Variants in ARHGAP44 observed in about 807,000 individuals in gnomAD.
ARHGAP44 encodes the protein rho GTPase-activating protein 44.
A neutral mutation model predicts 106.8 loss-of-function variants in ARHGAP44; 43 were observed. That is an observed-to-expected ratio of 0.40 (90% CI 0.32 to 0.52). The LOEUF (loss-of-function observed/expected upper bound fraction) is 0.52. Ranked by LOEUF, ARHGAP44 falls within the 20% of genes least tolerant of loss-of-function variation. ARHGAP44 has a pLI of 0.48. For missense variants in ARHGAP44, 866 were observed against 1,050.5 expected, an observed-to-expected ratio of 0.82 and a Z score of 2.43; for synonymous variants, 439 against 410.3, an observed-to-expected ratio of 1.07 and a Z score of -0.85.
intron 6 of ARHGAP44, among the ~76,000 whole-genome samples, chr17:12,924,876 A>AC (rs1471092735): frequency 6.6e-6 from 1 of 152,148 alleles, no homozygotes; most frequent in East Asian, 1.9e-4. Flanking sequence ...TGTTTAAGCC[A>AC]CCCAGTCTGT....
intron 1 of ARHGAP44, among the ~76,000 whole-genome samples, chr17:12,814,741 A>C (rs1259785221): frequency 6.6e-5 from 10 of 152,096 alleles, no homozygotes; most frequent in African/African-American, 2.2e-4. Context: ...TTTCACGTCT[A>C]CCTGGCACAC....
intron 1 of ARHGAP44, among the ~76,000 whole-genome samples, chr17:12,848,406 C>T (rs2035633773): frequency 1.3e-5 from 2 of 152,234 alleles, no homozygotes. Context: ...CACCATGTGC[C>T]ACCTCAAGCC....
At chr17:12,959,188 A>G in intron 16 of ARHGAP44, 1 of 396,490 alleles carries the variant, frequency 2.5e-6, no homozygotes, top group Non-Finnish European at 4.7e-6. Flanking sequence ...TAAAAAAAAT[A>G]CATACGCACT....
intron 15 of ARHGAP44, 101 bp downstream of exon 15, chr17:12,956,847 T>G (rs547601290): frequency 1.1e-6 from 1 of 883,604 alleles, no homozygotes; most frequent in Admixed American, 2.3e-5. Flanking sequence ...CACAGGCTTT[T>G]TTTTTTGATT....
intron 1 of ARHGAP44, among the ~76,000 whole-genome samples, chr17:12,823,627 T>C (rs1022215769): frequency 1.3e-5 from 2 of 152,152 alleles, no homozygotes; most frequent in African/African-American, 4.8e-5. Context: ...ATCAAGTATC[T>C]CTTCTCTCTC....
chr17:12,917,640 C>A (rs1359874277), intron 5 of ARHGAP44, among the ~76,000 whole-genome samples: 1 of 152,102 alleles, frequency 6.6e-6, no homozygotes, highest in Admixed American at 6.5e-5. Context: ...CGGAAAAATA[C>A]GTCACTAGCC....
intron 14 of ARHGAP44, 131 bp downstream of exon 14, chr17:12,956,111 C>T: frequency 1.6e-6 from 1 of 639,452 alleles, no homozygotes; most frequent in South Asian, 2.1e-5. Context: ...TCTTTGTTGG[C>T]CTGCTCCTCT....
At chr17:12,884,876 A>G (rs982058185) in intron 1 of ARHGAP44, among the ~76,000 whole-genome samples, 3 of 151,896 alleles carry the variant, frequency 2.0e-5, no homozygotes, top group African/African-American at 4.8e-5. Flanking sequence ...GTCCATTCCT[A>G]TATCTTGCTA....
intron 12 of ARHGAP44, 53 bp from the exon 13 acceptor site, chr17:12,952,448 T>G: frequency 5.9e-6 from 8 of 1,356,982 alleles, no homozygotes; most frequent in Non-Finnish European, 7.2e-6. Context: ...TGATTTCCGA[T>G]GAGACTTTAT....
chr17:12,862,996 TA>T (rs140382621), intron 1 of ARHGAP44, among the ~76,000 whole-genome samples: 6 of 141,792 alleles, frequency 4.2e-5, no homozygotes, highest in African/African-American at 1.0e-4. Context: ...AAAAATAAAA[TA>T]AAAAAAAAGG....
At chr17:12,973,769 C>T (rs892469787) in intron 17 of ARHGAP44, 6 of 523,554 alleles carry the variant, frequency 1.1e-5, no homozygotes, top group African/African-American at 5.9e-5. Context: ...GGGAGCTTGC[C>T]GGGCCATCAT....
At chr17:12,830,215 A>T (rs1431921332) in intron 1 of ARHGAP44, among the ~76,000 whole-genome samples, 1 of 152,230 alleles carries the variant, frequency 6.6e-6, no homozygotes, top group Non-Finnish European at 1.5e-5. Context: ...TTGCTAAATT[A>T]TCTTAAGCCA....
intron 10 of ARHGAP44, among the ~76,000 whole-genome samples, chr17:12,946,150 A>T (rs1033471699): frequency 2.0e-5 from 3 of 152,202 alleles, no homozygotes; most frequent in Non-Finnish European, 4.4e-5. Flanking sequence ...GAAATTTTTA[A>T]AAAAATTATG....
intron 6 of ARHGAP44, among the ~76,000 whole-genome samples, chr17:12,926,302 T>C (rs576587771): frequency 1.1e-3 from 163 of 151,340 alleles, no homozygotes; most frequent in African/African-American, 3.9e-3. Context: ...GAGGTGGAAG[T>C]TGCAGTGAGC....
intron 12 of ARHGAP44, among the ~76,000 whole-genome samples, chr17:12,950,333 G>A (rs952638575): frequency 2.0e-5 from 3 of 152,044 alleles, no homozygotes; most frequent in Non-Finnish European, 4.4e-5. Context: ...GGGAGGTCAC[G>A]TGTCATGACA....
chr17:12,951,021 A>G (rs1291944548), intron 12 of ARHGAP44, among the ~76,000 whole-genome samples: 1 of 152,104 alleles, frequency 6.6e-6, no homozygotes, highest in Non-Finnish European at 1.5e-5. Flanking sequence ...AGAAAAGCCA[A>G]CTCCAATCAA....
intron 1 of ARHGAP44, among the ~76,000 whole-genome samples, chr17:12,858,764 A>G (rs559299532): frequency 2.0e-5 from 3 of 152,324 alleles, no homozygotes; most frequent in East Asian, 3.9e-4. Context: ...CATGCTGCTT[A>G]TAAAGACATA....
At chr17:12,806,508 G>T (rs72813125) in intron 1 of ARHGAP44, among the ~76,000 whole-genome samples, 2,161 of 152,214 alleles carry the variant, frequency 0.014, 26 homozygotes, top group Middle Eastern at 0.027. Context: ...TGAAAACCTG[G>T]GTGAATTGTA....
intron 1 of ARHGAP44, among the ~76,000 whole-genome samples, chr17:12,835,641 T>C (rs977135830): frequency 1.3e-5 from 2 of 152,206 alleles, no homozygotes; most frequent in African/African-American, 4.8e-5. Flanking sequence ...TTAAAAAAAA[T>C]TGTGAAAAAC....
Sources: allele counts gnomAD v4.1 joint callset (sites outside exome capture counted in the v4.1 genomes callset), GRCh38; gene constraint gnomAD v4.1.1; transcripts MANE v1.5; gene names NCBI Gene and HGNC (gene_info 2026-07-23, HGNC 2026-07-21).